Variants in LTBP1 observed in about 807,000 individuals in gnomAD.
LTBP1 encodes latent transforming growth factor beta binding protein 1, also known as latent-transforming growth factor beta-binding protein 1.
A neutral mutation model predicts 207.6 loss-of-function variants in LTBP1; 129 were observed. The ratio of observed to expected loss-of-function variants is 0.62; its 90% CI spans 0.54 to 0.72. The LOEUF is 0.72. Among genes scored for constraint, LTBP1 ranks in the 30% least tolerant of loss-of-function variants. The pLI, the probability that LTBP1 is intolerant of heterozygous loss-of-function variation, is 0.00. For synonymous variants in LTBP1, 963 were observed against 833.7 expected, an observed-to-expected ratio of 1.16 and a Z score of -2.67; for missense variants, 2,281 against 2,217.2, an observed-to-expected ratio of 1.03 and a Z score of -0.58.
At chr2:32,957,637 G>T (rs1678304994) in intron 2 of LTBP1, among the ~76,000 whole-genome samples, 1 of 152,134 alleles carries the variant, frequency 6.6e-6, no homozygotes, top group Non-Finnish European at 1.5e-5. Flanking sequence ...TAATGAAAAA[G>T]TGTGAAATAT....
chr2:33,111,682 C>G (rs1558651029), intron 4 of LTBP1, among the ~76,000 whole-genome samples: 2 of 152,190 alleles, frequency 1.3e-5, no homozygotes. Flanking sequence ...ACTCTTCCCT[C>G]AGAATTGGTC....
intron 3 of LTBP1, among the ~76,000 whole-genome samples, chr2:33,108,899 T>TA (rs1228560274): frequency 1.3e-5 from 2 of 152,206 alleles, no homozygotes; most frequent in African/African-American, 4.8e-5. Context: ...AAACAACACT[T>TA]ACATCATCAA....
intron 2 of LTBP1, among the ~76,000 whole-genome samples, chr2:32,950,028 G>A (rs1271541523): frequency 3.0e-4 from 46 of 152,152 alleles, no homozygotes; most frequent in Non-Finnish European, 1.5e-5. Context: ...CAGGGTTCTA[G>A]GCATTTTAGA....
chr2:33,382,346 C>A (rs368284997), intron 31 of LTBP1, among the ~76,000 whole-genome samples: 2 of 152,152 alleles, frequency 1.3e-5, no homozygotes, highest in South Asian at 4.1e-4. Context: ...CCACCCGCCT[C>A]GGGCTCCCAA....
chr2:32,974,547 GTTTCC>G (rs79354373), intron 2 of LTBP1, among the ~76,000 whole-genome samples: 3,669 of 152,168 alleles, frequency 0.024, 54 homozygotes, highest in Middle Eastern at 0.041. Context: ...TCTCTTCACT[GTTTCC>G]TTTGCTGTGT....
At chr2:33,257,589 T>C (rs1198663045) in intron 12 of LTBP1, 78 bp downstream of exon 12, 2 of 1,195,532 alleles carry the variant, frequency 1.7e-6, no homozygotes, top group East Asian at 2.5e-5. Flanking sequence ...TATAACCCTC[T>C]AGAACAGAGT....
chr2:33,368,360 A>G (rs991249549), intron 31 of LTBP1, among the ~76,000 whole-genome samples: 2 of 152,164 alleles, frequency 1.3e-5, no homozygotes, highest in African/African-American at 4.8e-5. Context: ...CCATTCCTCC[A>G]TTGGTGGATA....
Position 33,134,658 on chromosome 2 carries a change from G to A in LTBP1, c.1034-135G>A, listed in dbSNP as rs1377861292. The A allele has an allele frequency of 1.9e-6, 3 of 1,567,390 alleles. No individual in the cohort carries two copies. Among genetic ancestry groups the A allele is most frequent in the East Asian group, 2.3e-5 (1 of 44,134 alleles). On this transcript the variant is annotated intron_variant, in intron 4 of 33. Transcript: ENST00000404816. This position sits in a 1 kb window ranked among gnomAD's most constrained non-coding sequence, Gnocchi z 4.4. ...GCTTCCCTCTTTCCTTAAACCTGTC[G>A]GGTTGTGGGCTCTCTCTTTTCCCCT... is the stretch of plus-strand genomic sequence containing the variant.
At chr2:33,188,462 C>G in intron 6 of LTBP1, 115 bp from the exon 7 acceptor site, 1 of 638,408 alleles carries the variant, frequency 1.6e-6, no homozygotes, top group South Asian at 2.2e-5. Flanking sequence ...GATGGCTATG[C>G]AGCAAAATGC....
chr2:33,108,468 T>C (rs761429288), intron 3 of LTBP1, among the ~76,000 whole-genome samples: 4 of 152,134 alleles, frequency 2.6e-5, no homozygotes, highest in East Asian at 1.9e-4. Context: ...CCTAGTTTAT[T>C]ACATTTCTGT....
intron 24 of LTBP1, among the ~76,000 whole-genome samples, chr2:33,319,146 C>T (rs2094316688): frequency 6.6e-6 from 1 of 152,110 alleles, no homozygotes; most frequent in South Asian, 2.1e-4. Context: ...GCCTGTAATC[C>T]CAGCACTTTG....
chr2:33,371,413 G>T (rs1383135724), intron 31 of LTBP1, among the ~76,000 whole-genome samples: 1 of 152,104 alleles, frequency 6.6e-6, no homozygotes, highest in African/African-American at 2.4e-5. Context: ...CAAATTTGTG[G>T]TCTTTATTGT....
chr2:33,030,039 C>G (rs1044025255), intron 3 of LTBP1, among the ~76,000 whole-genome samples: 4 of 152,102 alleles, frequency 2.6e-5, no homozygotes, highest in African/African-American at 9.7e-5. Context: ...AACTCTCTTT[C>G]CGAGAGTTTC....
intron 1 of LTBP1, 129 bp downstream of exon 1, chr2:32,947,947 C>T (rs902011193): frequency 1.4e-6 from 1 of 733,082 alleles, no homozygotes; most frequent in Non-Finnish European, 1.9e-6. Flanking sequence ...TCGGCTTTCT[C>T]CTCCCGCCTC....
chr2:33,146,875 T>C (rs1346773207), intron 5 of LTBP1, among the ~76,000 whole-genome samples: 2 of 152,194 alleles, frequency 1.3e-5, no homozygotes, highest in African/African-American at 4.8e-5. Flanking sequence ...GGGATTACAC[T>C]GGGGATTACA....
At chr2:33,360,458 G>T in intron 26 of LTBP1, 139 bp from the exon 27 acceptor site, 1 of 543,936 alleles carries the variant, frequency 1.8e-6, no homozygotes, top group South Asian at 3.0e-5. Flanking sequence ...GGAAGAATCT[G>T]ACACTGAAAG....
At chr2:33,140,761 G>A (rs2082588647) in intron 5 of LTBP1, among the ~76,000 whole-genome samples, 1 of 150,828 alleles carries the variant, frequency 6.6e-6, no homozygotes, top group Non-Finnish European at 1.5e-5. Flanking sequence ...TCCGCCTTCC[G>A]GGTTCAAGTG....
chr2:33,387,319 T>A (rs760499411), intron 31 of LTBP1, among the ~76,000 whole-genome samples: 83 of 152,256 alleles, frequency 5.5e-4, no homozygotes, highest in Non-Finnish European at 1.0e-3. Flanking sequence ...TCCTTAATTC[T>A]GCGTTTTCAA....
chr2:33,107,542 A>G (rs1039123173), intron 3 of LTBP1, among the ~76,000 whole-genome samples: 1 of 152,100 alleles, frequency 6.6e-6, no homozygotes, highest in Non-Finnish European at 1.5e-5. Context: ...AGGATTGAGG[A>G]GATGTCTTAG....
Sources: allele counts gnomAD v4.1 joint callset (sites outside exome capture counted in the v4.1 genomes callset), GRCh38; gene constraint gnomAD v4.1.1; non-coding constraint Gnocchi (gnomAD v3.1); transcripts MANE v1.5; gene names NCBI Gene and HGNC (gene_info 2026-07-23, HGNC 2026-07-21).